The following TENM1 variants were observed in gnomAD, a reference collection of about 807,000 sequenced individuals.
The protein encoded by TENM1 is teneurin transmembrane protein 1.
TENM1 carries 35 observed loss-of-function variants against 174.8 expected under a neutral mutation model. The observed-to-expected ratio is 0.20, with a 90% CI of 0.15 to 0.27. TENM1 has a LOEUF of 0.27. TENM1 is among the 10% of genes least tolerant of loss of function. TENM1 has a pLI of 1.00. For synonymous variants in TENM1, 781 were observed against 798.7 expected (o/e 0.98, Z 0.37); for missense variants, 1,633 against 2,130.1 (o/e 0.77, Z 4.59).
At chrX:124,601,582 T>C (rs766119729) in intron 11 of TENM1, among the ~76,000 whole-genome samples, 3 of 111,140 alleles carry the variant, frequency 2.7e-5, no homozygotes, top group Non-Finnish European at 5.7e-5. Context: ...TCTGAAAAAG[T>C]GTCTGTGGAG....
intron 3 of TENM1, among the ~76,000 whole-genome samples, chrX:124,888,510 G>T (rs190183240): frequency 3.6e-3 from 402 of 111,786 alleles, no homozygotes; most frequent in African/African-American, 0.012. Context: ...GCAGAACAAG[G>T]TTGTTGCCTA....
At position 124,627,895 on chromosome X, in the gene TENM1, C is replaced by T. The variant is rs193187747; in HGVS notation, c.2077+13896G>A. Reference sequence around the variant, plus strand: ...GAGAAACCGAAAGCCTGAGTTTCCCCAGCCTATATTCTATATAAGAAACAG... The same window carrying T: ...GAGAAACCGAAAGCCTGAGTTTCCCTAGCCTATATTCTATATAAGAAACAG... On this transcript the variant is annotated intron_variant, in intron 11 of 31. Coordinates refer to ENST00000422452, the Ensembl canonical transcript of TENM1. 3.6e-5 allele frequency among the ~76,000 whole-genome samples: 4 copies of T among 111,456 alleles called. No individual in the cohort carries two copies. The Admixed American group carries it at 3.8e-4, about 11-fold the overall frequency.
chrX:124,793,844 C>G (rs1322054575), intron 3 of TENM1, among the ~76,000 whole-genome samples: 1 of 110,542 alleles, frequency 9.0e-6, no homozygotes, highest in Non-Finnish European at 1.9e-5. Context: ...AGACCCGGCT[C>G]TCTCCAAAGT....
intron 20 of TENM1, among the ~76,000 whole-genome samples, chrX:124,488,997 G>A (rs1214830422): frequency 1.8e-5 from 2 of 112,768 alleles, no homozygotes; most frequent in African/African-American, 6.4e-5. Flanking sequence ...ATCTCAGAGG[G>A]AGGAAGTGAA....
chrX:124,528,407 A>G (rs1354315155), intron 16 of TENM1, among the ~76,000 whole-genome samples: 1 of 111,753 alleles, frequency 8.9e-6, no homozygotes, highest in African/African-American at 3.3e-5. Context: ...GTAAGCTAAA[A>G]AAATGAGGTC....
At chrX:124,530,476 A>G (rs1425429364) in intron 15 of TENM1, among the ~76,000 whole-genome samples, 2 of 111,380 alleles carry the variant, frequency 1.8e-5, no homozygotes, top group Admixed American at 1.9e-4. Flanking sequence ...AGATAAGACT[A>G]AAGTCCCTAC....
upstream of TENM1, among the ~76,000 whole-genome samples, chrX:124,967,012 A>G (rs1000283357): frequency 1.8e-5 from 2 of 111,710 alleles, no homozygotes; most frequent in East Asian, 5.7e-4. Flanking sequence ...AATATACACA[A>G]TAAGTAAACA....
At chrX:124,458,947 C>A (rs552483215) in intron 22 of TENM1, among the ~76,000 whole-genome samples, 2 of 112,201 alleles carry the variant, frequency 1.8e-5, no homozygotes, top group African/African-American at 3.2e-5. Flanking sequence ...GCACCCTCTG[C>A]GTGTGAGCAC....
intron 14 of TENM1, among the ~76,000 whole-genome samples, chrX:124,550,841 C>T (rs1361285938): frequency 9.1e-6 from 1 of 110,338 alleles, no homozygotes; most frequent in East Asian, 2.8e-4. Context: ...TCACTGCAAC[C>T]TCTGTGTCCT....
chrX:124,515,201 A>T (rs372069208), intron 18 of TENM1, among the ~76,000 whole-genome samples: 2 of 111,654 alleles, frequency 1.8e-5, no homozygotes, highest in South Asian at 7.6e-4. Flanking sequence ...ACATAGCTCA[A>T]AATAATAAGA....
chrX:124,592,168 C>T (rs965461986), intron 11 of TENM1, among the ~76,000 whole-genome samples: 2 of 111,865 alleles, frequency 1.8e-5, no homozygotes, highest in African/African-American at 6.5e-5. Context: ...TGTTGATTTT[C>T]AACCTTGTCT....
At chrX:125,097,182 G>A in the TENM1 span, among the ~76,000 whole-genome samples, 1 of 111,605 alleles carries the variant, frequency 9.0e-6, no homozygotes, top group Non-Finnish European at 1.9e-5. Context: ...TTCTGGTACT[G>A]AGTGATGGTT....
At chrX:125,198,999 T>C in the TENM1 span, among the ~76,000 whole-genome samples, 1 of 111,912 alleles carries the variant, frequency 8.9e-6, no homozygotes, top group Non-Finnish European at 1.9e-5. Flanking sequence ...CATCTCCTTA[T>C]ACATTTTATA....
the TENM1 span, among the ~76,000 whole-genome samples, chrX:125,181,248 C>G: frequency 9.0e-6 from 1 of 111,669 alleles, no homozygotes; most frequent in African/African-American, 3.3e-5. Flanking sequence ...TATTCTTAAT[C>G]TACTTGCCCA....
chrX:124,605,208 C>T (rs1181935292), intron 11 of TENM1, among the ~76,000 whole-genome samples: 1 of 99,990 alleles, frequency 1.0e-5, no homozygotes, highest in African/African-American at 3.7e-5. Flanking sequence ...ACTGCTTTCA[C>T]CATACTAGAT....
chrX:124,890,522 G>T (rs1363820890), intron 3 of TENM1, among the ~76,000 whole-genome samples: 2 of 112,154 alleles, frequency 1.8e-5, no homozygotes, highest in Non-Finnish European at 3.8e-5. Context: ...ATGGGCAAAA[G>T]AATAGACATT....
At chrX:125,182,506 G>T in the TENM1 span, among the ~76,000 whole-genome samples, 1 of 108,458 alleles carries the variant, frequency 9.2e-6, no homozygotes. Context: ...AGATTTGAGT[G>T]GAGAGCTATT....
intron 11 of TENM1, among the ~76,000 whole-genome samples, chrX:124,572,457 T>C (rs902365992): frequency 7.2e-5 from 8 of 111,695 alleles, no homozygotes; most frequent in African/African-American, 2.6e-4. Context: ...AAAGGTGATT[T>C]ACCAAAATCC....
the TENM1 span, among the ~76,000 whole-genome samples, chrX:125,141,080 C>A: frequency 1.8e-5 from 2 of 112,110 alleles, no homozygotes; most frequent in African/African-American, 6.5e-5. Flanking sequence ...GGACCATATT[C>A]GAACCTGTGA....
Sources: gnomAD v4.1 joint callset for allele counts (sites outside exome capture counted in the v4.1 genomes callset) on GRCh38, gnomAD v4.1.1 for gene constraint, MANE v1.5 for transcripts, NCBI Gene and HGNC (gene_info 2026-07-23, HGNC 2026-07-21) for gene names.